HIVEP1: variants seen among roughly 807,000 people sequenced by gnomAD.
HIVEP1 encodes the protein zinc finger protein 40.
A neutral mutation model predicts 180.0 loss-of-function variants in HIVEP1; 36 were observed. That is an observed-to-expected ratio of 0.20 (90% CI 0.15 to 0.26). The LOEUF is 0.26. Ranked by LOEUF, HIVEP1 falls within the 10% of genes least tolerant of loss-of-function variation. The pLI, the probability that HIVEP1 is intolerant of heterozygous loss-of-function variation, is 1.00. For synonymous variants in HIVEP1, 1,239 were observed against 1,239.0 expected, an observed-to-expected ratio of 1.00 and a Z score of 0.00; for missense variants, 3,143 against 3,268.7, an observed-to-expected ratio of 0.96 and a Z score of 0.94.
At chr6:12,184,018 TAGATAGACAGACAGAC>T in the HIVEP1 span, among the ~76,000 whole-genome samples, 951 of 129,922 alleles carry the variant, frequency 7.3e-3, 4 homozygotes, top group Middle Eastern at 8.2e-3. Context: ...GATAGATAGA[TAGATAGACAGACAGAC>T]AGACAGACAG....
At chr6:12,034,068 TTAA>T (rs1336935298) in intron 2 of HIVEP1, among the ~76,000 whole-genome samples, 1 of 152,226 alleles carries the variant, frequency 6.6e-6, no homozygotes, top group African/African-American at 2.4e-5. Context: ...GCGGTCTGAC[TTAA>T]TAACCCACCC....
chr6:12,189,172 A>T, the HIVEP1 span, among the ~76,000 whole-genome samples: 9 of 151,992 alleles, frequency 5.9e-5, no homozygotes, highest in African/African-American at 2.2e-4. Flanking sequence ...TTTCACCAAA[A>T]TAAATTTCAG....
chr6:12,188,247 A>G, the HIVEP1 span, among the ~76,000 whole-genome samples: 2 of 152,244 alleles, frequency 1.3e-5, no homozygotes, highest in Non-Finnish European at 2.9e-5. Flanking sequence ...TCCATATTAG[A>G]CAATCTGTTG....
At chr6:12,021,490 C>T (rs753271577) in intron 2 of HIVEP1, among the ~76,000 whole-genome samples, 22 of 152,190 alleles carry the variant, frequency 1.4e-4, no homozygotes, top group Non-Finnish European at 3.1e-4. Flanking sequence ...CAGATATCCT[C>T]CTCCCCTCCA....
At chr6:12,013,785 C>A (rs1487876537) in intron 1 of HIVEP1, among the ~76,000 whole-genome samples, 1 of 151,742 alleles carries the variant, frequency 6.6e-6, no homozygotes, top group South Asian at 2.1e-4. Context: ...TTTTATAGAT[C>A]ACTTAGCACA....
At position 12,123,225 on chromosome 6, in the gene HIVEP1, A is replaced by G; in HGVS notation, c.3430A>G (p.Arg1144Gly). 2.5e-6 allele frequency: 4 copies of G among 1,614,196 alleles called. No individual in the cohort carries two copies. Among genetic ancestry groups the G allele is most frequent in the Non-Finnish European group, 3.4e-6 (4 of 1,180,036 alleles). The stretch of plus-strand genomic sequence containing the variant: ...CATCCAGCACACCAACTCCCTGAGC[A>G]GGCCCAACTCATTTGACAAGCCTGA... ...SVIQHTNSLSRPNSFDKPEPF... is the reference protein window; with the variant it reads ...SVIQHTNSLSGPNSFDKPEPF... The change falls in exon 4 of 9, where the codon AGG becomes GGG. Residue 1144 changes from arginine to glycine, a missense_variant. Transcript: ENST00000379388.
intron 2 of HIVEP1, among the ~76,000 whole-genome samples, chr6:12,043,771 C>T (rs766993538): frequency 1.3e-5 from 2 of 152,198 alleles, no homozygotes; most frequent in African/African-American, 2.4e-5. Flanking sequence ...GTTGAACCGA[C>T]GCTGATCAGC....
At chr6:12,049,328 C>T (rs969744085) in intron 2 of HIVEP1, among the ~76,000 whole-genome samples, 3 of 152,240 alleles carry the variant, frequency 2.0e-5, no homozygotes, top group Non-Finnish European at 4.4e-5. Flanking sequence ...GACCCTCTCT[C>T]TTCCTCTCTC....
chr6:12,079,154 A>G (rs1210493545), intron 2 of HIVEP1, among the ~76,000 whole-genome samples: 2 of 152,182 alleles, frequency 1.3e-5, no homozygotes, highest in Non-Finnish European at 2.9e-5. Flanking sequence ...TATCCATCCC[A>G]CAGTGGGCAA....
chr6:12,121,041 G>T lies in HIVEP1; in HGVS notation c.1246G>T (p.Ala416Ser). Residue 416 changes from alanine to serine, a missense_variant, in exon 4 of 9, where the codon GCA becomes TCA. Physicochemically the swap from Ala to Ser is moderately conservative, Grantham distance 99 (BLOSUM62 1). Coordinates refer to ENST00000379388, the MANE Select transcript of HIVEP1 (RefSeq NM_002114.4). The surrounding 1 kb of genome is among the most constrained non-coding windows in gnomAD (Gnocchi z 5.3). ...TTGTGAGTATTGCAATAGAGCATGT[G>T]CAAAGCCTAGTGTGCTTTTAAAGCA... is the stretch of plus-strand genomic sequence containing the variant. ...YICEYCNRAC[A>S]KPSVLLKHIR... is the part of the protein sequence containing the mutation. 1.2e-6 allele frequency: 2 copies of T among 1,614,204 alleles called. No individual in the cohort carries two copies. The highest frequency in any genetic ancestry group is 1.7e-6 in the Non-Finnish European group (2 of 1,180,020).
chr6:12,093,699 G>A (rs1297544080), intron 3 of HIVEP1, among the ~76,000 whole-genome samples: 1 of 150,678 alleles, frequency 6.6e-6, no homozygotes, highest in South Asian at 2.1e-4. Context: ...TTTTTGTGTG[G>A]GTTTGCTTCT....
At chr6:12,014,977 C>G (rs1314480086) in intron 1 of HIVEP1, among the ~76,000 whole-genome samples, 1 of 152,212 alleles carries the variant, frequency 6.6e-6, no homozygotes, top group East Asian at 1.9e-4. Context: ...GTGGTAATAA[C>G]TAAATGCTCC....
chr6:12,025,522 G>A lies in HIVEP1; in HGVS notation c.40+9854G>A, dbSNP rs567049678. On this transcript the variant is annotated intron_variant, in intron 2 of 8. Transcript: ENST00000379388. ...GATGTTTTACTTAAAATGGAGAATG[G>A]CAGTGTTTAAGTGGGAATCTCCGCC... Among the ~76,000 whole-genome samples the A allele has an allele frequency of 5.3e-5, 8 of 152,294 alleles. No homozygotes were observed. The South Asian group carries it at 1.5e-3, about 28-fold the overall frequency.
chr6:12,143,029 T>C (rs1759145243), intron 7 of HIVEP1, among the ~76,000 whole-genome samples: 1 of 152,206 alleles, frequency 6.6e-6, no homozygotes, highest in South Asian at 2.1e-4. Flanking sequence ...CCCTAACTCA[T>C]TTCATGAGGC....
intron 2 of HIVEP1, among the ~76,000 whole-genome samples, chr6:12,042,381 G>A (rs1401267844): frequency 3.4e-5 from 3 of 89,186 alleles, no homozygotes; most frequent in Admixed American, 1.4e-4. Context: ...GCACCCGGCC[G>A]CTTTTTTTTT....
At chr6:12,039,280 TTTCTC>T (rs1269929307) in intron 2 of HIVEP1, 2 of 152,248 alleles carry the variant, frequency 1.3e-5, no homozygotes, top group African/African-American at 2.4e-5. Context: ...CCACCTAACT[TTTCTC>T]TACCAGTTTT....
intron 7 of HIVEP1, among the ~76,000 whole-genome samples, chr6:12,161,104 G>C (rs1760369073): frequency 6.6e-6 from 1 of 152,180 alleles, no homozygotes; most frequent in South Asian, 2.1e-4. Flanking sequence ...ATGTAGTTCA[G>C]TTGTGTTTTA....
intron 7 of HIVEP1, among the ~76,000 whole-genome samples, chr6:12,158,805 C>G (rs1384263058): frequency 6.6e-6 from 1 of 152,182 alleles, no homozygotes; most frequent in Non-Finnish European, 1.5e-5. Flanking sequence ...CTTCTCCTCA[C>G]AGGATAGGTC....
At chr6:12,059,084 T>G (rs1162653362) in intron 2 of HIVEP1, among the ~76,000 whole-genome samples, 3 of 152,218 alleles carry the variant, frequency 2.0e-5, no homozygotes, top group African/African-American at 7.2e-5. Flanking sequence ...CCCAAATAGC[T>G]GAACATTATA....
Sources: gnomAD v4.1 joint callset for allele counts (sites outside exome capture counted in the v4.1 genomes callset) on GRCh38, gnomAD v4.1.1 for gene constraint, Gnocchi (gnomAD v3.1) non-coding constraint, MANE v1.5 for transcripts, NCBI Gene and HGNC (gene_info 2026-07-23, HGNC 2026-07-21) for gene names.